The following NDUFA9 variants were observed in gnomAD, a reference collection of about 807,000 sequenced individuals.
NDUFA9 encodes NADH:ubiquinone oxidoreductase subunit A9.
In NDUFA9, 23 loss-of-function variants were observed where a neutral mutation model predicts 45.9. The ratio of observed to expected loss-of-function variants is 0.50; its 90% CI spans 0.36 to 0.71. The LOEUF is 0.71. Among genes scored for constraint, NDUFA9 ranks in the 30% least tolerant of loss-of-function variants. The pLI is 0.00. For missense variants in NDUFA9, 466 were observed against 488.2 expected (o/e 0.95, Z 0.43); for synonymous variants, 176 against 170.5 (o/e 1.03, Z -0.25).
intron 6 of NDUFA9, 50 bp downstream of exon 6, chr12:4,662,685 T>C: frequency 2.1e-6 from 3 of 1,411,078 alleles, no homozygotes. Context: ...ATTAACCAAG[T>C]TGAAGCTGCT....
intron 9 of NDUFA9, chr12:4,684,949 T>C: frequency 1.7e-6 from 1 of 593,732 alleles, no homozygotes; most frequent in East Asian, 2.8e-5. Context: ...ACAGACTTGA[T>C]TAAATACTGG....
At chr12:4,653,979 T>A (rs1178309731) in intron 1 of NDUFA9, among the ~76,000 whole-genome samples, 3 of 152,214 alleles carry the variant, frequency 2.0e-5, no homozygotes, top group African/African-American at 7.2e-5. Flanking sequence ...TGCTCATTTA[T>A]TACATATTCT....
chr12:4,656,459 T>C (rs952838092), intron 3 of NDUFA9, among the ~76,000 whole-genome samples: 7 of 152,250 alleles, frequency 4.6e-5, no homozygotes, highest in Non-Finnish European at 1.5e-5. Context: ...ATGTCTAGCA[T>C]TGACCTGTGC....
intron 3 of NDUFA9, chr12:4,655,659 C>T (rs1945785539): frequency 6.6e-6 from 1 of 151,960 alleles, no homozygotes; most frequent in Admixed American, 6.6e-5. Context: ...TGTTTTATAA[C>T]TTGGTTGTTT....
intron 10 of NDUFA9, 138 bp downstream of exon 10, chr12:4,685,463 T>C (rs1172932925): frequency 6.8e-6 from 5 of 735,060 alleles, no homozygotes; most frequent in Non-Finnish European, 9.0e-6. Context: ...CTACTAGCGC[T>C]GAAGCTCATC....
chr12:4,663,119 A>G (rs139998274), intron 6 of NDUFA9, among the ~76,000 whole-genome samples: 20 of 152,126 alleles, frequency 1.3e-4, no homozygotes, highest in Non-Finnish European at 2.5e-4. Context: ...ACTTAGCAAT[A>G]TGCATTTAAG....
At chr12:4,671,435 CAATTA>C (rs1366240241) in intron 8 of NDUFA9, among the ~76,000 whole-genome samples, 1 of 152,064 alleles carries the variant, frequency 6.6e-6, no homozygotes, top group East Asian at 1.9e-4. Context: ...ATAAATTTAA[CAATTA>C]AATTTATTAT....
At chr12:4,680,954 A>C (rs969917486) in intron 8 of NDUFA9, among the ~76,000 whole-genome samples, 1 of 152,226 alleles carries the variant, frequency 6.6e-6, no homozygotes, top group Non-Finnish European at 1.5e-5. Context: ...GAACGTTCAG[A>C]AACAGTCCCA....
At chr12:4,670,502 AG>A (rs1565569379) in intron 8 of NDUFA9, among the ~76,000 whole-genome samples, 1 of 152,220 alleles carries the variant, frequency 6.6e-6, no homozygotes, top group Non-Finnish European at 1.5e-5. Context: ...ATGAAAGTTA[AG>A]GATCTGGCTC....
intron 8 of NDUFA9, among the ~76,000 whole-genome samples, chr12:4,679,483 T>C (rs1945940193): frequency 6.6e-6 from 1 of 152,150 alleles, no homozygotes; most frequent in Admixed American, 6.5e-5. Context: ...TAAGTAATAA[T>C]TAAGCAAAAT....
At position 4,689,590 on chromosome 12, in the gene NDUFA9, CAT is replaced by C. The variant is rs1221689267; in HGVS notation, c.*2483_*2484del. On this transcript the variant is annotated 3_prime_UTR_variant, in exon 11 of 11. Coordinates refer to ENST00000266544, the MANE Select transcript of NDUFA9 (RefSeq NM_005002.5). Reference sequence around the variant, plus strand: ...CATTTAACCCTGAGTGGACACAGCACATGTTTCAGAGAGCACAGGGTTGGGGG... The same window carrying C: ...CATTTAACCCTGAGTGGACACAGCACGTTTCAGAGAGCACAGGGTTGGGGG... 5.4e-6 allele frequency: 1 copy of C among 186,626 alleles called. No homozygotes were observed. The highest frequency in any genetic ancestry group is 1.1e-5 in the Non-Finnish European group (1 of 94,870). 11.6% of individuals were successfully genotyped at this position (186,626 alleles called of 1,614,324 possible).
chr12:4,678,597 C>T (rs1945934591), intron 8 of NDUFA9, among the ~76,000 whole-genome samples: 1 of 152,082 alleles, frequency 6.6e-6, no homozygotes, highest in South Asian at 2.1e-4. Context: ...AATCTTAGAA[C>T]TCAATGAGAA....
intron 9 of NDUFA9, chr12:4,685,012 G>T (rs1415869200): frequency 1.8e-5 from 11 of 616,466 alleles, no homozygotes; most frequent in Admixed American, 1.4e-4. Flanking sequence ...TTAAGTTTAA[G>T]ATCTGTTGTT....
intron 6 of NDUFA9, among the ~76,000 whole-genome samples, chr12:4,665,181 A>G (rs974658672): frequency 3.9e-5 from 6 of 152,194 alleles, no homozygotes; most frequent in Non-Finnish European, 8.8e-5. Context: ...TTGTTGTACA[A>G]CCAATCCCCA....
Position 4,651,450 on chromosome 12 carries a change from G to T in NDUFA9, c.49+2275G>T, listed in dbSNP as rs928620065. Among the ~76,000 whole-genome samples the T allele has an allele frequency of 3.6e-4, 54 of 151,834 alleles. 1 individual carries two copies. ...AAACTGTGAGCTTCATGAAGCCAGG[G>T]TTTTGTATTTTACTGTGATAGTCAC... On this transcript the variant is annotated intron_variant, in intron 1 of 10. Coordinates refer to ENST00000266544, the MANE Select transcript of NDUFA9 (RefSeq NM_005002.5).
intron 4 of NDUFA9, among the ~76,000 whole-genome samples, chr12:4,658,285 T>A (rs1945803082): frequency 6.6e-6 from 1 of 152,240 alleles, no homozygotes; most frequent in Admixed American, 6.5e-5. Context: ...TAACAAATAA[T>A]GTTTCAATCC....
In NDUFA9 at chr12:4,659,118, A is replaced by T. The variant is rs1393079194; in HGVS notation, c.493A>T (p.Ile165Phe). 6.2e-7 allele frequency: 1 copy of T among 1,612,010 alleles called. No homozygotes were observed. Among genetic ancestry groups the T allele is most frequent in the Admixed American group, 1.7e-5 (1 of 60,000 alleles). The change falls in exon 5 of 11, where the codon ATT becomes TTT. Residue 165 changes from isoleucine (I) to phenylalanine (F), a missense_variant. Ile to Phe is a conservative substitution (Grantham distance 21). Coordinates refer to ENST00000266544, the MANE Select transcript of NDUFA9 (RefSeq NM_005002.5). ...LSKEAGVEKF[I>F]HVSHLNANIK... is the part of the protein sequence containing the mutation. ...CAAGGAAGCTGGAGTTGAAAAATTC[A>T]TTCATGTTTCACATCTGAATGCGAA... is the stretch of plus-strand genomic sequence containing the variant.
Position 4,694,181 on chromosome 12 carries a change from G to A in NDUFA9, c.*7073G>A, listed in dbSNP as rs955107445. On this transcript the variant is annotated 3_prime_UTR_variant, in exon 11 of 11. Transcript: ENST00000266544. ...ATAGACGTGTACATTGTGTCTTAGC[G>A]TAGATTCACCCGACCTCCTTCCCCA... 2.0e-5 allele frequency: 3 copies of A among 152,208 alleles called. No individual in the cohort carries two copies. Among genetic ancestry groups the A allele is most frequent in the Middle Eastern group, 3.2e-3 (1 of 316 alleles). 9.4% of individuals were successfully genotyped at this position (152,208 alleles called of 1,614,324 possible).
chr12:4,659,771 C>T (rs182298662), intron 5 of NDUFA9, among the ~76,000 whole-genome samples: 36 of 152,170 alleles, frequency 2.4e-4, no homozygotes, highest in East Asian at 7.7e-4. Flanking sequence ...TCTGGCCGTG[C>T]GCTTAACATT....
Sources: allele counts gnomAD v4.1 joint callset (sites outside exome capture counted in the v4.1 genomes callset), GRCh38; gene constraint gnomAD v4.1.1; transcripts MANE v1.5; gene names NCBI Gene and HGNC (gene_info 2026-07-23, HGNC 2026-07-21).